The following SLC25A39 variants were observed in gnomAD, a reference collection of about 807,000 sequenced individuals.
SLC25A39 encodes the protein mitochondrial glutathione transporter SLC25A39.
A neutral mutation model predicts 46.6 loss-of-function variants in SLC25A39; 44 were observed. The ratio of observed to expected loss-of-function variants is 0.94; its 90% confidence interval spans 0.74 to 1.21. SLC25A39 has a LOEUF of 1.21. SLC25A39 is among the 50% of genes most tolerant of loss of function. SLC25A39 has a pLI of 0.00. For missense variants in SLC25A39, 487 were observed against 473.0 expected (o/e 1.03, Z -0.28); for synonymous variants, 218 against 190.6 (o/e 1.14, Z -1.19).
chr17:44,323,434 G>GGGGCC, intron 2 of SLC25A39, 44 bp downstream of exon 2: 1 of 1,367,920 alleles, frequency 7.3e-7, no homozygotes. Context: ...TCTCCGGTCT[G>GGGGCC]CCCCATCCCC....
Position 44,320,220 on chromosome 17 carries a change from A to C in SLC25A39, c.940T>G (p.Ser314Ala). ...WLLLRRIRAESGTKGLFAGFL... is the reference protein window; with the variant it reads ...WLLLRRIRAEAGTKGLFAGFL... ...CCTGCAAAGAGTCCCTTGGTGCCCG[A>C]CTCGGCCCGGATCCTCCGCAGCAGC... Residue 314 changes from serine to alanine, a missense_variant, in exon 11 of 12, where the codon TCG becomes GCG. Physicochemically the swap from Ser to Ala is moderately conservative, Grantham distance 99 (BLOSUM62 1). Coordinates refer to ENST00000377095, the MANE Select transcript of SLC25A39 (RefSeq NM_001143780.3). 6.2e-7 allele frequency: 1 copy of C among 1,613,684 alleles called. No homozygotes were observed. Among genetic ancestry groups the C allele is most frequent in the Non-Finnish European group, 8.5e-7 (1 of 1,179,974 alleles).
intron 5 of SLC25A39, 53 bp from the exon 6 acceptor site, chr17:44,321,820 G>A: frequency 6.4e-7 from 1 of 1,566,174 alleles, no homozygotes. Flanking sequence ...AGTGATGTCT[G>A]TGATGGGGCT....
intron 1 of SLC25A39, 71 bp from the exon 2 acceptor site, chr17:44,323,648 T>G (rs1321733911): frequency 8.5e-7 from 1 of 1,169,772 alleles, no homozygotes; most frequent in Non-Finnish European, 1.2e-6. Flanking sequence ...ACTGTGAGAC[T>G]TTTGTTTTGA....
chr17:44,322,664 TG>T (rs2048087503), intron 4 of SLC25A39, 112 bp from the exon 5 acceptor site: 2 of 1,559,240 alleles, frequency 1.3e-6, no homozygotes, highest in South Asian at 2.4e-5. Context: ...GTGGATGTTC[TG>T]GTGCAGGTCA....
intron 8 of SLC25A39, 74 bp downstream of exon 8, chr17:44,320,984 T>TGGGACTTG: frequency 6.8e-7 from 1 of 1,478,750 alleles, no homozygotes; most frequent in Non-Finnish European, 9.0e-7. Context: ...GTCACAAAGC[T>TGGGACTTG]GGGACTTGGC....
rs1432523863 is a variant in SLC25A39 at position 44,320,382 on chromosome 17, C to T, written c.856G>A (p.Ala286Thr). 10 of 1,613,486 alleles carry T rather than the reference C, an allele frequency of 6.2e-6. No individual in the cohort carries two copies. The highest frequency in any genetic ancestry group is 2.2e-5 in the East Asian group (1 of 44,894). Reference sequence around the variant, plus strand: ...CTCACAGCCTCCATCGCTCCCAGAGCGACCTGGCGTTGGGTCTTTACCACG... The same window carrying T: ...CTCACAGCCTCCATCGCTCCCAGAGTGACCTGGCGTTGGGTCTTTACCACG... ...FDVVKTQRQV[A>T]LGAMEAVRVN... is the part of the protein sequence containing the mutation. The change falls in exon 10 of 12, where the codon GCT becomes ACT. Residue 286 changes from alanine (A) to threonine (T), a missense_variant. Ala to Thr is a moderately conservative substitution (Grantham distance 58). Coordinates refer to ENST00000377095, the MANE Select transcript of SLC25A39 (RefSeq NM_001143780.3).
chr17:44,321,750 G>T lies in SLC25A39; in HGVS notation c.342C>A (p.Ile114=). The stretch of plus-strand genomic sequence containing the variant: ...GGGTCCTGGTGCCCTCGTGCCTCAC[G>T]ATCTTCACGAAGGCATCCTGGCCAA... The part of the protein sequence containing the change: ...FTGTMDAFVK[I]VRHEGTRTLW... The change falls in exon 6 of 12, where the codon ATC becomes ATA. Residue 114 remains isoleucine, a synonymous_variant. Coordinates refer to ENST00000377095, the MANE Select transcript of SLC25A39 (RefSeq NM_001143780.3). 1.2e-6 allele frequency: 2 copies of T among 1,612,422 alleles called. No homozygotes were observed. Among genetic ancestry groups the T allele is most frequent in the Non-Finnish European group, 1.7e-6 (2 of 1,179,172 alleles).
At chr17:44,323,243 C>G (rs1402123059) in intron 3 of SLC25A39, 41 bp downstream of exon 3, 3 of 1,611,304 alleles carry the variant, frequency 1.9e-6, no homozygotes, top group Non-Finnish European at 2.5e-6. Context: ...CTTTCTTTTG[C>G]CCAGGCACCA....
At position 44,319,878 on chromosome 17, in the gene SLC25A39, G is replaced by C. The variant is rs1049027283; in HGVS notation, c.*123C>G. ...GAGGGACAGCCCTGCCCTGGAGCTT[G>C]TCGCCGGGAGGGAAGGGAAACAAGC... On this transcript the variant is annotated 3_prime_UTR_variant, in exon 12 of 12. Coordinates refer to ENST00000377095, the MANE Select transcript of SLC25A39 (RefSeq NM_001143780.3). 6.8e-6 allele frequency: 6 copies of C among 883,428 alleles called. No homozygotes were observed. The highest frequency in any genetic ancestry group is 8.8e-6 in the Non-Finnish European group (5 of 569,030). 54.7% of individuals were successfully genotyped at this position (883,428 alleles called of 1,614,324 possible).
At chr17:44,321,663 G>A in intron 6 of SLC25A39, 37 bp downstream of exon 6, 2 of 1,608,070 alleles carry the variant, frequency 1.2e-6, no homozygotes, top group Non-Finnish European at 1.7e-6. Context: ...GGGTCAGGAA[G>A]TACCAGAGGA....
rs1308576225 is a variant in SLC25A39, at chr17:44,322,541, G to C, written c.202C>G (p.Leu68Val). The C allele has an allele frequency of 6.2e-7, 1 of 1,614,130 alleles. No homozygotes were observed. Reference sequence around the variant, plus strand: ...AGGAGGCACTTCCCTGTGGATTGGAGAGAGGAGGGCACTGGGGAAAGGCAG... The same window carrying C: ...AGGAGGCACTTCCCTGTGGATTGGACAGAGGAGGGCACTGGGGAAAGGCAG... The part of the protein sequence containing the change: ...SLSYTKLPSS[L>V]QSTGKCLLYC... The change falls in exon 5 of 12, where the codon CTC (leucine) becomes GTC (valine). Residue 68 changes from leucine (L) to valine (V), a missense_variant. By Grantham distance (32) the Leu-to-Val change is conservative. Transcript: ENST00000377095.
chr17:44,323,193 G>A, intron 3 of SLC25A39, 91 bp downstream of exon 3: 1 of 1,489,192 alleles, frequency 6.7e-7, no homozygotes, highest in South Asian at 1.2e-5. Flanking sequence ...AAAGCGCTGG[G>A]ATTACAGGTA....
At chr17:44,322,728 C>T in intron 4 of SLC25A39, 80 bp downstream of exon 4, 1 of 1,600,880 alleles carries the variant, frequency 6.2e-7, no homozygotes, top group South Asian at 1.1e-5. Flanking sequence ...GCTGTGGAGC[C>T]CACTGGTGCC....
chr17:44,320,955 A>C (rs1035841444), intron 8 of SLC25A39, 103 bp downstream of exon 8: 49 of 1,360,542 alleles, frequency 3.6e-5, no homozygotes, highest in Admixed American at 5.3e-5. Flanking sequence ...AGAAAAGCTA[A>C]GTAACTTCAT....
chr17:44,320,616 A>G lies in SLC25A39; in HGVS notation c.801+6T>C. ...GCTGGCCTCACCTCCAGCCCAGTCCACTCACCGTCCCTGAGATGCCACCAG... is the reference window on the plus strand; with the variant it reads ...GCTGGCCTCACCTCCAGCCCAGTCCGCTCACCGTCCCTGAGATGCCACCAG... On this transcript the variant is annotated splice_donor_region_variant and intron_variant, in intron 9 of 11. Coordinates refer to ENST00000377095, the MANE Select transcript of SLC25A39 (RefSeq NM_001143780.3). 1 of 1,612,848 alleles carries G rather than the reference A, an allele frequency of 6.2e-7. No individual in the cohort carries two copies. The highest frequency in any genetic ancestry group is 1.1e-5 in the South Asian group (1 of 91,040).
chr17:44,323,287 T>C lies in SLC25A39; in HGVS notation c.142A>G (p.Ser48Gly). ...TAGTTCCAGGTCAGGTACTCACCGCTGGCCATGGAGGGCCGCTGAGACTGC... is the reference window on the plus strand; with the variant it reads ...TAGTTCCAGGTCAGGTACTCACCGCCGGCCATGGAGGGCCGCTGAGACTGC... ...RLQSQRPSMA[S>G]ELMPSSRLWS... Residue 48 changes from serine to glycine, a missense_variant, in exon 3 of 12, where the codon AGC (serine) becomes GGC (glycine). Transcript: ENST00000377095. 1 of 1,613,876 alleles carries C rather than the reference T, an allele frequency of 6.2e-7. No individual in the cohort carries two copies.
In SLC25A39 at chr17:44,321,428, G is replaced by C. The variant is rs2048030964; in HGVS notation, c.517+6C>G. ...AGGGAGGTCAAAGGCCCAAGACTAT[G>C]CTCACGGCGGGCCAGCGCGCCAGCC... On this transcript the variant is annotated splice_donor_region_variant and intron_variant, in intron 7 of 11. Transcript: ENST00000377095. The C allele has an allele frequency of 6.2e-7, 1 of 1,613,726 alleles. No individual in the cohort carries two copies. Among genetic ancestry groups the C allele is most frequent in the Non-Finnish European group, 8.5e-7 (1 of 1,179,934 alleles).
intron 8 of SLC25A39, 72 bp from the exon 9 acceptor site, chr17:44,320,803 T>A: frequency 8.3e-7 from 1 of 1,200,518 alleles, no homozygotes. Context: ...CACCTTTCAC[T>A]GCCACCACTC....
rs2048094226 is a variant in SLC25A39, at chr17:44,322,815, A to G, written c.183T>C (p.Tyr61=). 1.2e-6 allele frequency: 2 copies of G among 1,614,054 alleles called. No individual in the cohort carries two copies. Among genetic ancestry groups the G allele is most frequent in the Non-Finnish European group, 8.5e-7 (1 of 1,179,968 alleles). The part of the protein sequence containing the change: ...MPSSRLWSLS[Y]TKLPSSLQST... Reference sequence around the variant, plus strand: ...GTGGCTTGGGGCACTCACATTTGGTATAGGAGAGGCTCCACAGTCTGGAGG... The same window carrying G: ...GTGGCTTGGGGCACTCACATTTGGTGTAGGAGAGGCTCCACAGTCTGGAGG... Residue 61 remains tyrosine (Y), a synonymous_variant, in exon 4 of 12, where the codon TAT becomes TAC. Transcript: ENST00000377095.
Sources: allele counts gnomAD v4.1 joint callset, GRCh38; gene constraint gnomAD v4.1.1; transcripts MANE v1.5; gene names NCBI Gene and HGNC (gene_info 2026-07-23, HGNC 2026-07-21).